REDIC1: variants seen among roughly 807,000 people sequenced by gnomAD.
REDIC1 encodes the protein regulator of DNA class I crossover intermediates 1, also known as HEI10 Interacting Protein 1.
the REDIC1 span, among the ~76,000 whole-genome samples, chr12:39,766,250 T>C: frequency 1.3e-5 from 2 of 152,228 alleles, no homozygotes; most frequent in South Asian, 2.1e-4. Flanking sequence ...AGCTTGGAGA[T>C]ATTGCGAGGT....
At chr12:39,756,998 A>C in the REDIC1 span, 1 of 151,726 alleles carries the variant, frequency 6.6e-6, no homozygotes, top group South Asian at 2.1e-4. Context: ...ATATATTAAA[A>C]ATAATCATGT....
chr12:39,712,937 ATACG>A, the REDIC1 span, among the ~76,000 whole-genome samples: 1 of 146,592 alleles, frequency 6.8e-6, no homozygotes, highest in African/African-American at 2.5e-5. Context: ...ATACGTGTAT[ATACG>A]TGTATATACA....
At chr12:39,628,130 G>A in the REDIC1 span, among the ~76,000 whole-genome samples, 1 of 152,058 alleles carries the variant, frequency 6.6e-6, no homozygotes, top group Non-Finnish European at 1.5e-5. Context: ...GATGTGGTTG[G>A]ACATCACAAG....
the REDIC1 span, among the ~76,000 whole-genome samples, chr12:39,781,837 G>A: frequency 2.6e-5 from 4 of 152,262 alleles, no homozygotes; most frequent in South Asian, 2.1e-4. Flanking sequence ...GCTCATATAC[G>A]GCCCTCACAT....
chr12:39,838,760 T>A, the REDIC1 span, among the ~76,000 whole-genome samples: 139 of 152,208 alleles, frequency 9.1e-4, no homozygotes, highest in Admixed American at 5.6e-3. Flanking sequence ...GAAAATCTTT[T>A]AAAAATTGAT....
At chr12:39,680,236 C>CA in the REDIC1 span, among the ~76,000 whole-genome samples, 25 of 152,216 alleles carry the variant, frequency 1.6e-4, no homozygotes, top group East Asian at 4.2e-3. Flanking sequence ...ATGCATCTGA[C>CA]AAAGGACTAA....
chr12:39,836,323 C>T, the REDIC1 span, among the ~76,000 whole-genome samples: 1 of 152,052 alleles, frequency 6.6e-6, no homozygotes, highest in African/African-American at 2.4e-5. Flanking sequence ...AGAGTCCAGG[C>T]AAGTACAGTT....
the REDIC1 span, among the ~76,000 whole-genome samples, chr12:39,731,592 T>C: frequency 6.6e-6 from 1 of 152,302 alleles, no homozygotes; most frequent in East Asian, 1.9e-4. Flanking sequence ...TGTCAACCCC[T>C]GCTGGGAGGT....
the REDIC1 span, among the ~76,000 whole-genome samples, chr12:39,747,671 C>A: frequency 2.6e-5 from 4 of 152,258 alleles, no homozygotes; most frequent in South Asian, 8.3e-4. Flanking sequence ...TAAGGGCAGC[C>A]AGAGAGAAAG....
chr12:39,701,416 G>A, the REDIC1 span, among the ~76,000 whole-genome samples: 1 of 152,182 alleles, frequency 6.6e-6, no homozygotes, highest in African/African-American at 2.4e-5. Context: ...ACCCAATACA[G>A]GAGCACCCAG....
chr12:39,833,383 A>C, the REDIC1 span, among the ~76,000 whole-genome samples: 2 of 151,918 alleles, frequency 1.3e-5, no homozygotes, highest in African/African-American at 4.8e-5. Context: ...TCCAAGAACA[A>C]CTGCTCTGCT....
chr12:39,759,873 G>T, the REDIC1 span: 1 of 596,376 alleles, frequency 1.7e-6, no homozygotes, highest in Non-Finnish European at 2.9e-6. Flanking sequence ...CATCATGGTT[G>T]TATCTTCCTC....
chr12:39,835,041 A>G, the REDIC1 span, among the ~76,000 whole-genome samples: 2 of 152,100 alleles, frequency 1.3e-5, no homozygotes, highest in Non-Finnish European at 2.9e-5. Context: ...GAATTTCGGT[A>G]AGGTTTTCTA....
the REDIC1 span, among the ~76,000 whole-genome samples, chr12:39,768,430 A>C: frequency 3.9e-5 from 6 of 152,256 alleles, no homozygotes; most frequent in Non-Finnish European, 2.9e-5. Context: ...CAAGAGGCCT[A>C]GCTTTCAGCC....
At chr12:39,863,048 C>T in the REDIC1 span, among the ~76,000 whole-genome samples, 1 of 152,098 alleles carries the variant, frequency 6.6e-6, no homozygotes, top group Non-Finnish European at 1.5e-5. Flanking sequence ...ATATGTTACT[C>T]ATACAATAAA....
the REDIC1 span, among the ~76,000 whole-genome samples, chr12:39,697,758 A>T: frequency 6.6e-6 from 1 of 152,198 alleles, no homozygotes; most frequent in South Asian, 2.1e-4. Context: ...CATACAACAG[A>T]TACACAAAAA....
chr12:39,749,024 G>A, the REDIC1 span, among the ~76,000 whole-genome samples: 1 of 152,122 alleles, frequency 6.6e-6, no homozygotes, highest in Admixed American at 6.5e-5. Flanking sequence ...AGAAGCAAGA[G>A]CAAACACATT....
chr12:39,891,103 C>T, the REDIC1 span, among the ~76,000 whole-genome samples: 1 of 143,790 alleles, frequency 7.0e-6, no homozygotes, highest in African/African-American at 2.6e-5. Context: ...AAGAATCTCT[C>T]AAAGTTTCAA....
At chr12:39,689,688 A>G in the REDIC1 span, among the ~76,000 whole-genome samples, 3 of 152,190 alleles carry the variant, frequency 2.0e-5, no homozygotes, top group Non-Finnish European at 2.9e-5. Flanking sequence ...ATGAGCTACT[A>G]GAGAGGTTTG....
Sources: allele counts gnomAD v4.1 joint callset (sites outside exome capture counted in the v4.1 genomes callset), GRCh38; gene constraint gnomAD v4.1.1; transcripts MANE v1.5; gene names NCBI Gene and HGNC (gene_info 2026-07-23, HGNC 2026-07-21).